Variants in CAMK1D observed in about 807,000 individuals in gnomAD.
CAMK1D encodes calcium/calmodulin-dependent protein kinase type 1D.
Under a neutral mutation model 47.7 loss-of-function variants are expected in CAMK1D, and 9 were observed. The ratio of observed to expected loss-of-function variants is 0.19; its 90% CI spans 0.11 to 0.33. CAMK1D has a LOEUF of 0.33. Among genes scored for constraint, CAMK1D ranks in the 10% least tolerant of loss-of-function variants. The pLI is 1.00. For missense variants in CAMK1D, 291 were observed against 488.7 expected, an observed-to-expected ratio of 0.60 and a Z score of 3.81; for synonymous variants, 184 against 184.9, an observed-to-expected ratio of 0.99 and a Z score of 0.04.
At chr10:12,737,813 C>A (rs1835252908) in intron 3 of CAMK1D, among the ~76,000 whole-genome samples, 1 of 152,064 alleles carries the variant, frequency 6.6e-6, no homozygotes, top group Admixed American at 6.6e-5. Flanking sequence ...ATTAAGAATG[C>A]CTGTTGTAGC....
chr10:12,364,237 C>CTTTTTT (rs35224750), intron 1 of CAMK1D, among the ~76,000 whole-genome samples: 3 of 65,316 alleles, frequency 4.6e-5, no homozygotes, highest in Non-Finnish European at 5.9e-5. Context: ...TGCGCATTCT[C>CTTTTTT]TTTTTTTTTT....
intron 3 of CAMK1D, among the ~76,000 whole-genome samples, chr10:12,693,901 A>G (rs1833035622): frequency 1.8e-5 from 2 of 112,290 alleles, no homozygotes; most frequent in African/African-American, 6.7e-5. Context: ...TATATAAAAT[A>G]TATATATAAT....
At chr10:12,757,853 T>C (rs1836304696) in intron 3 of CAMK1D, among the ~76,000 whole-genome samples, 2 of 24,614 alleles carry the variant, frequency 8.1e-5, no homozygotes. Flanking sequence ...GGCCCTGCTC[T>C]TTTTTTTTTT....
In CAMK1D at chr10:12,681,483, C is replaced by T. The variant is rs76388089; in HGVS notation, c.299+14673C>T. Among the ~76,000 whole-genome samples the T allele has an allele frequency of 5.1e-3, 784 of 152,358 alleles. 5 individuals are homozygous for T. Among genetic ancestry groups the T allele is most frequent in the African/African-American group, 0.017 (707 of 41,584 alleles). On this transcript the variant is annotated intron_variant, in intron 3 of 10. Transcript: ENST00000619168. ...CTCCTGCAGCAGGGCTGCTGGGTCCCGTGGAGGAAACCACATTGTCGGATG... is the reference window on the plus strand; with the variant it reads ...CTCCTGCAGCAGGGCTGCTGGGTCCTGTGGAGGAAACCACATTGTCGGATG...
At position 12,794,560 on chromosome 10, in the gene CAMK1D, A is replaced by G. The variant is rs117828982; in HGVS notation, c.641+3327A>G. On this transcript the variant is annotated intron_variant, in intron 6 of 10. Coordinates refer to ENST00000619168, the MANE Select transcript of CAMK1D (RefSeq NM_153498.4). Reference sequence around the variant, plus strand: ...ACATTTGCCAGGGTTCAAATGTAGTATTAAGCAAAGACATGCCGTATTCCT... The same window carrying G: ...ACATTTGCCAGGGTTCAAATGTAGTGTTAAGCAAAGACATGCCGTATTCCT... Among the ~76,000 whole-genome samples, 432 of 152,290 alleles carry G rather than the reference A, an allele frequency of 2.8e-3. 4 individuals carry two copies. The South Asian group carries it at 0.034, about 12-fold the overall frequency.
chr10:12,367,544 C>T (rs927015105), intron 1 of CAMK1D, among the ~76,000 whole-genome samples: 7 of 151,522 alleles, frequency 4.6e-5, no homozygotes, highest in African/African-American at 1.2e-4. Flanking sequence ...TACAACTCAC[C>T]GTAATGTAGA....
intron 2 of CAMK1D, among the ~76,000 whole-genome samples, chr10:12,648,071 G>A (rs532032406): frequency 6.6e-6 from 1 of 152,304 alleles, no homozygotes; most frequent in East Asian, 1.9e-4. Context: ...TTCAAACCTG[G>A]TAGAGGGTAG....
chr10:12,744,189 C>T (rs977772493), intron 3 of CAMK1D, among the ~76,000 whole-genome samples: 12 of 151,986 alleles, frequency 7.9e-5, no homozygotes, highest in African/African-American at 1.7e-4. Context: ...TAAAATATTC[C>T]GTATATGGAT....
intron 1 of CAMK1D, among the ~76,000 whole-genome samples, chr10:12,437,395 A>C (rs572885696): frequency 1.3e-5 from 2 of 152,112 alleles, no homozygotes; most frequent in Admixed American, 1.3e-4. Flanking sequence ...GGGTTTCACC[A>C]TGTTGACCAG....
chr10:12,549,516 G>T (rs1836510067), intron 1 of CAMK1D, among the ~76,000 whole-genome samples: 1 of 152,218 alleles, frequency 6.6e-6, no homozygotes, highest in African/African-American at 2.4e-5. Context: ...GAATGTGGTT[G>T]TCCACGCACC....
intron 10 of CAMK1D, 191 bp downstream of exon 10, chr10:12,825,881 A>C: frequency 1.2e-6 from 1 of 862,148 alleles, no homozygotes; most frequent in Non-Finnish European, 1.7e-6. Context: ...TCACGCCTGT[A>C]ATCCCAACAC....
At chr10:12,555,685 T>C (rs990928787) in intron 2 of CAMK1D, among the ~76,000 whole-genome samples, 2 of 152,204 alleles carry the variant, frequency 1.3e-5, no homozygotes, top group Admixed American at 1.3e-4. Flanking sequence ...TATTTGACAT[T>C]GTAGATTGAA....
At chr10:12,351,393 T>A (rs1390278651) in intron 1 of CAMK1D, among the ~76,000 whole-genome samples, 3 of 152,230 alleles carry the variant, frequency 2.0e-5, no homozygotes, top group Admixed American at 1.3e-4. Flanking sequence ...CTGAGGTTTA[T>A]TCGGGTTTGG....
At chr10:12,488,513 C>T (rs1005642570) in intron 1 of CAMK1D, among the ~76,000 whole-genome samples, 1 of 152,106 alleles carries the variant, frequency 6.6e-6, no homozygotes, top group Non-Finnish European at 1.5e-5. Context: ...ACAAATGTTT[C>T]CGTGGACTGG....
chr10:12,799,751 G>T (rs1397877043), intron 6 of CAMK1D, among the ~76,000 whole-genome samples: 1 of 152,092 alleles, frequency 6.6e-6, no homozygotes, highest in Non-Finnish European at 1.5e-5. Context: ...GAGGAGGCTT[G>T]GTACTCTGCA....
chr10:12,382,553 G>A (rs909249371), intron 1 of CAMK1D, among the ~76,000 whole-genome samples: 6 of 152,104 alleles, frequency 3.9e-5, no homozygotes, highest in African/African-American at 1.4e-4. Context: ...GGATGGGCAT[G>A]GTGGCTCACA....
At chr10:12,799,164 G>A (rs1050774052) in intron 6 of CAMK1D, among the ~76,000 whole-genome samples, 1 of 152,156 alleles carries the variant, frequency 6.6e-6, no homozygotes, top group South Asian at 2.1e-4. Flanking sequence ...ACGACTCGAC[G>A]CAACACCATG....
chr10:12,532,848 A>G (rs1349789430), intron 1 of CAMK1D, among the ~76,000 whole-genome samples: 1 of 151,744 alleles, frequency 6.6e-6, no homozygotes. Context: ...GCACAGAAAG[A>G]CAAACATCGC....
intron 2 of CAMK1D, among the ~76,000 whole-genome samples, chr10:12,582,949 A>AT (rs1564426788): frequency 1.3e-5 from 2 of 152,102 alleles, no homozygotes; most frequent in African/African-American, 4.8e-5. Context: ...GATAAAAACA[A>AT]TTTTTTTGCT....
Sources: allele counts gnomAD v4.1 joint callset (sites outside exome capture counted in the v4.1 genomes callset), GRCh38; gene constraint gnomAD v4.1.1; transcripts MANE v1.5; gene names NCBI Gene and HGNC (gene_info 2026-07-23, HGNC 2026-07-21).